TBR1: variants seen among roughly 807,000 people sequenced by gnomAD.
TBR1 encodes T-box brain protein 1.
TBR1 carries 7 observed loss-of-function variants against 60.3 expected under a neutral mutation model. The observed-to-expected ratio is 0.12, with a 90% CI of 0.07 to 0.22. The LOEUF is 0.22. Among genes scored for constraint, TBR1 ranks in the 10% least tolerant of loss-of-function variants. The pLI is 1.00. For synonymous variants in TBR1, 417 were observed against 409.9 expected, an observed-to-expected ratio of 1.02 and a Z score of -0.21; for missense variants, 616 against 936.8, an observed-to-expected ratio of 0.66 and a Z score of 4.47.
chr2:161,419,072 G>A, intron 4 of TBR1, 22 bp downstream of exon 4: 2 of 1,613,546 alleles, frequency 1.2e-6, no homozygotes, highest in Non-Finnish European at 1.7e-6. Context: ...TAGGGGCTGG[G>A]GGCGAGGCGG....
chr2:161,421,199 T>G (rs1684226444), intron 5 of TBR1: 1 of 152,266 alleles, frequency 6.6e-6, no homozygotes, highest in African/African-American at 2.4e-5. Flanking sequence ...TTTCGTGGCT[T>G]ACATTGAGCG....
In TBR1 at chr2:161,423,950, C is replaced by G. The variant is rs1684278989; in HGVS notation, c.1772C>G (p.Ala591Gly). The change falls in exon 6 of 6, where the codon GCC becomes GGC. Residue 591 changes from alanine to glycine, a missense_variant. This residue lies in a region of TBR1 where 210 missense variants were observed against 297.4 expected (regional missense o/e 0.71). Transcript: ENST00000389554. ...GGCGAGGAGGCCGAGGGCCTGGCCG[C>G]CGAGCGCTCGCCGCTGCCGCCCGGC... ...YLGEEAEGLA[A>G]ERSPLPPGAA... 2 of 1,546,106 alleles carry G rather than the reference C, an allele frequency of 1.3e-6. No homozygotes were observed. Among genetic ancestry groups the G allele is most frequent in the Admixed American group, 2.0e-5 (1 of 50,740 alleles).
rs1196076022 is a variant in TBR1, at chr2:161,423,492, C to T, written c.1314C>T (p.Ser438=). 6.2e-7 allele frequency: 1 copy of T among 1,604,036 alleles called. No individual in the cohort carries two copies. Among genetic ancestry groups the T allele is most frequent in the African/African-American group, 1.3e-5 (1 of 74,148 alleles). ...CTTTCCTGCAGGACCAGTTCGTGAGCAACTACGCCAAGGCCCGCTTCCACC... is the reference window on the plus strand; with the variant it reads ...CTTTCCTGCAGGACCAGTTCGTGAGTAACTACGCCAAGGCCCGCTTCCACC... ...AGSFLQDQFV[S]NYAKARFHPG... Residue 438 remains serine (S), a synonymous_variant, in exon 6 of 6, where the codon AGC becomes AGT. Coordinates refer to ENST00000389554, the MANE Select transcript of TBR1 (RefSeq NM_006593.4).
chr2:161,420,949 TTTAA>T (rs1490976999), intron 5 of TBR1: 4 of 152,272 alleles, frequency 2.6e-5, no homozygotes, highest in African/African-American at 9.6e-5. Context: ...CTAGGTGTGT[TTTAA>T]TTAAACATGC....
In TBR1 at chr2:161,423,414, C is replaced by T. The variant is rs1233772393; in HGVS notation, c.1236C>T (p.Asn412=). The T allele has an allele frequency of 3.8e-6, 6 of 1,593,192 alleles. No individual in the cohort carries two copies. The highest frequency in any genetic ancestry group is 3.4e-6 in the Non-Finnish European group (4 of 1,170,546). ...CDMDRLTPSP[N]DSPRSQIVPG... is the part of the protein sequence containing the mutation. ...TGGACCGCCTGACCCCCTCGCCCAA[C>T]GACTCGCCGCGCTCGCAGATCGTGC... is the stretch of plus-strand genomic sequence containing the variant. The change falls in exon 6 of 6, where the codon AAC becomes AAT. Residue 412 remains asparagine (N), a synonymous_variant. Coordinates refer to ENST00000389554, the MANE Select transcript of TBR1 (RefSeq NM_006593.4).
Position 161,423,615 on chromosome 2 carries a change from C to A in TBR1, c.1437C>A (p.Pro479=). 6.5e-7 allele frequency: 1 copy of A among 1,529,380 alleles called. No homozygotes were observed. 94.7% of individuals were successfully genotyped at this position (1,529,380 alleles called of 1,614,324 possible). A position where few individuals can be genotyped will look rare whatever the true frequency, so the allele number is the denominator to read the frequency against. Residue 479 remains proline (P), a synonymous_variant, in exon 6 of 6, where the codon CCC becomes CCA. Transcript: ENST00000389554. ...SPQQAEDPGA[P]SPQRWFVTPA... ...AGCAGGCCGAGGACCCGGGCGCGCC[C>A]TCGCCGCAACGCTGGTTTGTGACGC...
Position 161,416,330 on chromosome 2 carries a change from G to A in TBR1, c.-81G>A, listed in dbSNP as rs1684120772. The A allele has an allele frequency of 4.4e-6, 5 of 1,126,082 alleles. No individual in the cohort carries two copies. The highest frequency in any genetic ancestry group is 2.1e-4 in the Middle Eastern group (1 of 4,764). The allele number at this position is 1,126,082 out of a possible 1,614,324, so 69.8% of individuals were successfully genotyped here. A position where few individuals can be genotyped will look rare whatever the true frequency, so the allele number is the denominator to read the frequency against. On this transcript the variant is annotated 5_prime_UTR_variant, in exon 1 of 6. Transcript: ENST00000389554. This position sits in a 1 kb window ranked among gnomAD's most constrained non-coding sequence, Gnocchi z 6.1. The stretch of plus-strand genomic sequence containing the variant: ...GTTGAAGTGCTTTCTGTCTAGTGAG[G>A]GGGTCTGTGGATTTCTAGTTTATGA...
intron 4 of TBR1, 144 bp downstream of exon 4, chr2:161,419,194 G>A: frequency 8.1e-7 from 1 of 1,234,482 alleles, no homozygotes; most frequent in Non-Finnish European, 1.1e-6. Flanking sequence ...TAAGGCTTAG[G>A]GCTCGGGGCC....
chr2:161,419,056 G>A lies in TBR1; in HGVS notation c.1128+6G>A. 6.2e-7 allele frequency: 1 copy of A among 1,614,062 alleles called. No homozygotes were observed. Among genetic ancestry groups the A allele is most frequent in the Non-Finnish European group, 8.5e-7 (1 of 1,179,978 alleles). ...CCGCCTACCAGAACACGGATGTAAG[G>A]AGACCTAGGGGCTGGGGGCGAGGCG... On this transcript the variant is annotated splice_donor_region_variant and intron_variant, in intron 4 of 5. Transcript: ENST00000389554.
intron 5 of TBR1, 85 bp downstream of exon 5, chr2:161,420,342 A>C: frequency 1.9e-6 from 2 of 1,079,730 alleles, no homozygotes; most frequent in Non-Finnish European, 2.7e-6. Context: ...AAGGATTTTG[A>C]AAGCTGGAAT....
At chr2:161,420,418 CT>C (rs67826360) in intron 5 of TBR1, 161 bp downstream of exon 5, 14,988 of 95,646 alleles carry the variant, frequency 0.16, 298 homozygotes, top group East Asian at 0.23. Context: ...TCTTCCTCTT[CT>C]TTTTTTTTTT....
At chr2:161,418,489 AGTT>A (rs1267245167) in intron 3 of TBR1, 167 bp downstream of exon 3, 1 of 1,115,944 alleles carries the variant, frequency 9.0e-7, no homozygotes, top group Non-Finnish European at 1.2e-6. Context: ...AAATCTGTAA[AGTT>A]GTTCTCATTG....
In TBR1 at chr2:161,418,286, T is replaced by G. The variant is rs776783191; in HGVS notation, c.933T>G (p.Leu311=). The change falls in exon 3 of 6, where the codon CTT becomes CTG. Residue 311 remains leucine (L), a synonymous_variant. Transcript: ENST00000389554. Reference sequence around the variant, plus strand: ...AAATCTCTTTTGGAAAATTAAAACTTACGAACAACAAAGGAGCTTCAAATA... The same window carrying G: ...AAATCTCTTTTGGAAAATTAAAACTGACGAACAACAAAGGAGCTTCAAATA... ...RQEISFGKLK[L]TNNKGASNNN... 3 of 1,614,126 alleles carry G rather than the reference T, an allele frequency of 1.9e-6. No homozygotes were observed. Among genetic ancestry groups the G allele is most frequent in the Non-Finnish European group, 2.5e-6 (3 of 1,180,008 alleles).
In TBR1 at chr2:161,424,176, G is replaced by A. The variant is rs967605979; in HGVS notation, c.1998G>A (p.Lys666=). Residue 666 remains lysine (K), a synonymous_variant, in exon 6 of 6, where the codon AAG becomes AAA. Coordinates refer to ENST00000389554, the MANE Select transcript of TBR1 (RefSeq NM_006593.4). This position sits in a 1 kb window ranked among gnomAD's most constrained non-coding sequence, Gnocchi z 4.4. Reference sequence around the variant, plus strand: ...TGCTGGCCCAGCGGGACTGCGAGAAGAACTGCGCCAAGGACATTAGCGGCT... The same window carrying A: ...TGCTGGCCCAGCGGGACTGCGAGAAAAACTGCGCCAAGGACATTAGCGGCT... ...SEVLAQRDCE[K]NCAKDISGYY... is the part of the protein sequence containing the mutation. 2 of 1,612,786 alleles carry A rather than the reference G, an allele frequency of 1.2e-6. No homozygotes were observed. Among genetic ancestry groups the A allele is most frequent in the East Asian group, 2.2e-5 (1 of 44,820 alleles).
At chr2:161,418,420 GT>G (rs764317087) in intron 3 of TBR1, 98 bp downstream of exon 3, 116 of 1,446,760 alleles carry the variant, frequency 8.0e-5, no homozygotes, top group Non-Finnish European at 1.0e-4. Flanking sequence ...CTGGATACAC[GT>G]TTCTTTGCTT....
chr2:161,423,294 T>A, intron 5 of TBR1, 75 bp from the exon 6 acceptor site: 1 of 1,083,060 alleles, frequency 9.2e-7, no homozygotes, highest in Non-Finnish European at 1.3e-6. Flanking sequence ...TGGCCTTCCC[T>A]TCTGCCCCCA....
intron 3 of TBR1, 167 bp from the exon 4 acceptor site, chr2:161,418,725 C>G (rs1443961984): frequency 5.2e-6 from 5 of 968,846 alleles, no homozygotes; most frequent in Non-Finnish European, 5.9e-6. Flanking sequence ...GCCGGTCTGC[C>G]CCAGCCAGCC....
chr2:161,418,803 C>CCCGGGCGCGCAG (rs1161418770), intron 3 of TBR1, 89 bp from the exon 4 acceptor site: 10 of 1,502,862 alleles, frequency 6.7e-6, no homozygotes, highest in African/African-American at 1.4e-5. Context: ...CCTCCGCCGG[C>CCCGGGCGCGCAG]CCGGGCGCGC....
chr2:161,417,912 G>T lies in TBR1; in HGVS notation c.847+82G>T. The T allele has an allele frequency of 6.6e-7, 1 of 1,522,678 alleles. No individual in the cohort carries two copies. The highest frequency in any genetic ancestry group is 8.8e-7 in the Non-Finnish European group (1 of 1,134,304). The allele number at this position is 1,522,678 out of a possible 1,614,324, so 94.3% of individuals were successfully genotyped here. On this transcript the variant is annotated intron_variant, in intron 2 of 5. Coordinates refer to ENST00000389554, the MANE Select transcript of TBR1 (RefSeq NM_006593.4). The surrounding 1 kb of genome is among the most constrained non-coding windows in gnomAD (Gnocchi z 5.3). ...TTAAAGCCTTTGTGGACTGGCTCGAGCGACTTTTAAAACGATCGGCCAATG... is the reference window on the plus strand; with the variant it reads ...TTAAAGCCTTTGTGGACTGGCTCGATCGACTTTTAAAACGATCGGCCAATG...
Sources: allele counts gnomAD v4.1 joint callset, GRCh38; gene constraint gnomAD v4.1.1; regional missense constraint gnomAD v4.1.1; non-coding constraint Gnocchi (gnomAD v3.1); transcripts MANE v1.5; gene names NCBI Gene and HGNC (gene_info 2026-07-23, HGNC 2026-07-21).